The following KLHL1 variants were observed in gnomAD, a reference collection of about 807,000 sequenced individuals.
KLHL1 encodes kelch-like protein 1.
In KLHL1, 47 loss-of-function variants were observed where a neutral mutation model predicts 77.7. The observed-to-expected ratio is 0.60, with a 90% CI of 0.48 to 0.77. The LOEUF is 0.77. Among genes scored for constraint, KLHL1 ranks in the 30% least tolerant of loss-of-function variants. The probability of loss-of-function intolerance (pLI) is 0.00; values close to 1 mark genes in which losing one functional copy is unlikely to be tolerated. For missense variants in KLHL1, 925 were observed against 910.8 expected, an observed-to-expected ratio of 1.02 and a Z score of -0.20; for synonymous variants, 360 against 325.2, an observed-to-expected ratio of 1.11 and a Z score of -1.15.
chr13:69,747,743 A>G (rs1419519929), intron 7 of KLHL1, among the ~76,000 whole-genome samples: 1 of 152,138 alleles, frequency 6.6e-6, no homozygotes, highest in Middle Eastern at 3.4e-3. Context: ...ACAATATCAA[A>G]TGTTGCTAAG....
chr13:69,722,137 TA>T (rs1370478088), intron 8 of KLHL1, among the ~76,000 whole-genome samples: 1 of 152,074 alleles, frequency 6.6e-6, no homozygotes, highest in African/African-American at 2.4e-5. Flanking sequence ...AGTTTATAAA[TA>T]AACATGATAT....
At chr13:69,848,712 A>G (rs1008233385) in intron 5 of KLHL1, among the ~76,000 whole-genome samples, 1 of 151,550 alleles carries the variant, frequency 6.6e-6, no homozygotes, top group Non-Finnish European at 1.5e-5. Context: ...CATTTGAGGA[A>G]ACAAGAAAAA....
rs577637490 is a variant in KLHL1 at position 70,077,666 on chromosome 13, G to T, written c.497+29537C>A. Reference sequence around the variant, plus strand: ...TATCAAAATGATGTGTTAATAATAGGGGAAATTGGAGGATAATGGGAAGGA... The same window carrying T: ...TATCAAAATGATGTGTTAATAATAGTGGAAATTGGAGGATAATGGGAAGGA... On this transcript the variant is annotated intron_variant, in intron 1 of 10. Coordinates refer to ENST00000377844, the MANE Select transcript of KLHL1 (RefSeq NM_020866.3). Among the ~76,000 whole-genome samples the T allele has an allele frequency of 2.0e-5, 3 of 151,978 alleles. No homozygotes were observed. The East Asian group carries it at 5.8e-4, about 29-fold the overall frequency.
intron 7 of KLHL1, among the ~76,000 whole-genome samples, chr13:69,746,032 T>G (rs944092121): frequency 1.3e-5 from 2 of 151,594 alleles, no homozygotes; most frequent in Non-Finnish European, 3.0e-5. Context: ...TAGAACTTTT[T>G]TATATATATT....
intron 1 of KLHL1, among the ~76,000 whole-genome samples, chr13:69,983,567 C>T (rs1329690334): frequency 2.0e-5 from 2 of 101,146 alleles, no homozygotes; most frequent in African/African-American, 7.2e-5. Context: ...ATGTGAGACC[C>T]TATCTTTACA....
At chr13:69,805,805 T>C (rs557605839) in intron 6 of KLHL1, among the ~76,000 whole-genome samples, 1 of 151,256 alleles carries the variant, frequency 6.6e-6, no homozygotes, top group Non-Finnish European at 1.5e-5. Context: ...TATTTCATAA[T>C]TTATTATATA....
chr13:69,722,553 C>T, intron 8 of KLHL1, among the ~76,000 whole-genome samples: 1 of 151,834 alleles, frequency 6.6e-6, no homozygotes, highest in South Asian at 2.1e-4. Flanking sequence ...TGAATAAATT[C>T]TCAACAGCAC....
chr13:69,934,945 C>CGT (rs71116961), intron 4 of KLHL1, among the ~76,000 whole-genome samples: 68,445 of 130,430 alleles, frequency 0.52, 17,660 homozygotes, highest in Non-Finnish European at 0.6. Flanking sequence ...TAAAATTTAC[C>CGT]GTGTGTGTGT....
At chr13:69,956,100 T>C (rs1305491371) in intron 3 of KLHL1, among the ~76,000 whole-genome samples, 1 of 141,478 alleles carries the variant, frequency 7.1e-6, no homozygotes, top group Non-Finnish European at 1.5e-5. Context: ...ATATTTGATA[T>C]ATATATTTAT....
At position 70,036,835 on chromosome 13, in the gene KLHL1, C is replaced by G. The variant is rs1303461046; in HGVS notation, c.498-61033G>C. 2.8e-3 allele frequency among the ~76,000 whole-genome samples: 140 copies of G among 50,712 alleles called. 2 individuals carry two copies. Among genetic ancestry groups the G allele is most frequent in the African/African-American group, 9.8e-3 (134 of 13,608 alleles). 33.3% of individuals were successfully genotyped at this position (50,712 alleles called of 152,430 possible). A position where few individuals can be genotyped will look rare whatever the true frequency, so the allele number is the denominator to read the frequency against. ...TTGGGTTTGATTTTAATGCCATGGT[C>G]TTTTTTTTTTTTTTTTTTTTTTTTC... On this transcript the variant is annotated intron_variant, in intron 1 of 10. Coordinates refer to ENST00000377844, the MANE Select transcript of KLHL1 (RefSeq NM_020866.3).
intron 3 of KLHL1, 86 bp downstream of exon 3, chr13:69,961,222 T>G: frequency 7.7e-7 from 1 of 1,302,202 alleles, no homozygotes. Context: ...AGAATTTTTT[T>G]TAAAAAAGCG....
intron 3 of KLHL1, among the ~76,000 whole-genome samples, chr13:69,960,470 A>G (rs977665593): frequency 1.3e-5 from 2 of 152,010 alleles, no homozygotes; most frequent in Admixed American, 6.6e-5. Flanking sequence ...TTTCTTTCAC[A>G]AGATTTTATG....
At chr13:69,824,890 A>C (rs981604350) in intron 6 of KLHL1, among the ~76,000 whole-genome samples, 1 of 152,056 alleles carries the variant, frequency 6.6e-6, no homozygotes, top group African/African-American at 2.4e-5. Flanking sequence ...TGCACATCTC[A>C]ATGAATGTAA....
intron 1 of KLHL1, among the ~76,000 whole-genome samples, chr13:70,092,868 T>C (rs1037924264): frequency 1.3e-5 from 2 of 152,150 alleles, no homozygotes; most frequent in Non-Finnish European, 2.9e-5. Flanking sequence ...TGATGATCAC[T>C]CACAGCTAGA....
intron 1 of KLHL1, among the ~76,000 whole-genome samples, chr13:70,001,646 ATATCTATCTAT>A (rs1362567928): frequency 5.4e-5 from 7 of 129,418 alleles, no homozygotes; most frequent in Non-Finnish European, 9.9e-5. Flanking sequence ...AAACATTGGG[ATATCTATCTAT>A]TATCTATCTA....
intron 8 of KLHL1, among the ~76,000 whole-genome samples, chr13:69,738,666 C>A (rs2137926511): frequency 6.6e-6 from 1 of 152,014 alleles, no homozygotes; most frequent in Middle Eastern, 3.4e-3. Flanking sequence ...TGAAGACTAT[C>A]TTGTTGAAAC....
In KLHL1 at chr13:69,709,220, C is replaced by T. The variant is rs147178398; in HGVS notation, c.2016-1424G>A. ...AACATCACAGATAGATGCAGACATA[C>T]ATAGACACACACACCAACACAAGTA... is the stretch of plus-strand genomic sequence containing the variant. On this transcript the variant is annotated intron_variant, in intron 9 of 10. Coordinates refer to ENST00000377844, the MANE Select transcript of KLHL1 (RefSeq NM_020866.3). Among the ~76,000 whole-genome samples the T allele has an allele frequency of 3.4e-3, 516 of 152,074 alleles. 6 individuals carry two copies. The highest frequency in any genetic ancestry group is 0.026 in the East Asian group (136 of 5,174).
At chr13:69,868,935 A>C (rs1880475950) in intron 5 of KLHL1, among the ~76,000 whole-genome samples, 1 of 152,128 alleles carries the variant, frequency 6.6e-6, no homozygotes, top group Non-Finnish European at 1.5e-5. Flanking sequence ...AATCCATGAA[A>C]GTAAGGAGGG....
chr13:69,705,516 C>T (rs74092457), intron 10 of KLHL1, among the ~76,000 whole-genome samples: 16,796 of 151,584 alleles, frequency 0.11, 1,496 homozygotes, highest in African/African-American at 0.25. Context: ...ACTTACAGGA[C>T]ATATGGAGTG....
Sources: gnomAD v4.1 joint callset for allele counts (sites outside exome capture counted in the v4.1 genomes callset) on GRCh38, gnomAD v4.1.1 for gene constraint, MANE v1.5 for transcripts, NCBI Gene and HGNC (gene_info 2026-07-23, HGNC 2026-07-21) for gene names.